The following NCKAP5 variants were observed in gnomAD, a reference collection of about 807,000 sequenced individuals.
The protein encoded by NCKAP5 is NCK associated protein 5.
Under a neutral mutation model 167.0 loss-of-function variants are expected in NCKAP5, and 92 were observed. That is an observed-to-expected ratio of 0.55 (90% CI 0.47 to 0.66). The LOEUF (loss-of-function observed/expected upper bound fraction) is 0.66. Ranked by LOEUF, NCKAP5 falls within the 30% of genes least tolerant of loss-of-function variation. NCKAP5 has a pLI of 0.00. For synonymous variants in NCKAP5, 891 were observed against 877.4 expected, an observed-to-expected ratio of 1.02 and a Z score of -0.27; for missense variants, 2,378 against 2,315.0, an observed-to-expected ratio of 1.03 and a Z score of -0.56.
At chr2:133,257,734 T>A (rs1447786157) in intron 4 of NCKAP5, among the ~76,000 whole-genome samples, 1 of 152,178 alleles carries the variant, frequency 6.6e-6, no homozygotes, top group African/African-American at 2.4e-5. Flanking sequence ...TAGAGGCCGG[T>A]TCTTGGAGAC....
At chr2:133,190,942 G>A (rs1346856658) in intron 5 of NCKAP5, among the ~76,000 whole-genome samples, 1 of 152,102 alleles carries the variant, frequency 6.6e-6, no homozygotes, top group Non-Finnish European at 1.5e-5. Flanking sequence ...AAACTAAAGA[G>A]CTTCTGCACA....
rs183273234 is a variant in NCKAP5 at position 132,751,735 on chromosome 2, G to A, written c.5129-19684C>T. ...CTGAAGTGAAAGCAGGTCCCTGCAT[G>A]TGTCTCTAGGGTGTTGCTTTCTCAG... On this transcript the variant is annotated intron_variant, in intron 16 of 19. Transcript: ENST00000409261. Among the ~76,000 whole-genome samples the A allele has an allele frequency of 2.9e-3, 442 of 152,318 alleles. 1 individual carries two copies. The highest frequency in any genetic ancestry group is 0.01 in the African/African-American group (426 of 41,576).
chr2:132,816,107 C>T (rs1156705896), intron 11 of NCKAP5, among the ~76,000 whole-genome samples: 1 of 152,096 alleles, frequency 6.6e-6, no homozygotes, highest in Admixed American at 6.5e-5. Flanking sequence ...TACTAGCTCA[C>T]AGGGGCTTAC....
At chr2:133,593,854 GA>G in the NCKAP5 span, among the ~76,000 whole-genome samples, 6 of 152,250 alleles carry the variant, frequency 3.9e-5, no homozygotes, top group Middle Eastern at 3.4e-3. Context: ...GTGCATAGGG[GA>G]TGCAGCCCTC....
At chr2:133,014,084 C>G (rs907037949) in intron 6 of NCKAP5, among the ~76,000 whole-genome samples, 2 of 152,194 alleles carry the variant, frequency 1.3e-5, no homozygotes, top group Non-Finnish European at 2.9e-5. Context: ...AATAGCAGGT[C>G]CATCTCTTCA....
chr2:132,953,937 C>T (rs1462111762), intron 8 of NCKAP5, among the ~76,000 whole-genome samples: 1 of 152,054 alleles, frequency 6.6e-6, no homozygotes, highest in Non-Finnish European at 1.5e-5. Flanking sequence ...AGAGACATGG[C>T]CTTTTCACGG....
intron 5 of NCKAP5, among the ~76,000 whole-genome samples, chr2:133,190,571 G>T (rs2085169275): frequency 6.6e-6 from 1 of 152,054 alleles, no homozygotes; most frequent in African/African-American, 2.4e-5. Context: ...CCAAAACAGA[G>T]ATATAGACCA....
At chr2:133,632,943 TA>T in the NCKAP5 span, among the ~76,000 whole-genome samples, 1 of 152,284 alleles carries the variant, frequency 6.6e-6, no homozygotes, top group South Asian at 2.1e-4. Context: ...ACCTTAAGTT[TA>T]TATAATGCCA....
At chr2:133,300,606 T>G (rs1409992875) in intron 4 of NCKAP5, among the ~76,000 whole-genome samples, 3 of 138,908 alleles carry the variant, frequency 2.2e-5, no homozygotes, top group African/African-American at 8.6e-5. Context: ...TCTCAATTAA[T>G]TAGGTATTGA....
chr2:133,560,356 C>G (rs191462568), intron 1 of NCKAP5, among the ~76,000 whole-genome samples: 38 of 152,302 alleles, frequency 2.5e-4, no homozygotes, highest in African/African-American at 8.2e-4. Context: ...GACACAGGCT[C>G]TGCTTTTGTG....
intron 6 of NCKAP5, among the ~76,000 whole-genome samples, chr2:133,012,258 T>C (rs1354150295): frequency 6.6e-6 from 1 of 152,152 alleles, no homozygotes; most frequent in East Asian, 1.9e-4. Context: ...TTTATTATTT[T>C]ATTTGTTGAG....
At chr2:132,726,593 T>C (rs906268054) in intron 18 of NCKAP5, among the ~76,000 whole-genome samples, 2 of 152,224 alleles carry the variant, frequency 1.3e-5, no homozygotes, top group African/African-American at 4.8e-5. Flanking sequence ...CTAAGCCAGA[T>C]AGTTCCAATA....
chr2:132,959,103 T>G (rs1327891194), intron 8 of NCKAP5, among the ~76,000 whole-genome samples: 1 of 147,716 alleles, frequency 6.8e-6, no homozygotes, highest in Non-Finnish European at 1.5e-5. Flanking sequence ...ATTAATATAT[T>G]TAATATTAAT....
intron 8 of NCKAP5, among the ~76,000 whole-genome samples, chr2:132,907,430 C>A (rs1694083519): frequency 6.6e-6 from 1 of 152,160 alleles, no homozygotes; most frequent in Non-Finnish European, 1.5e-5. Flanking sequence ...TTAAGTTTAG[C>A]CCAGAGGGCT....
intron 19 of NCKAP5, among the ~76,000 whole-genome samples, chr2:132,708,785 A>G (rs1688588754): frequency 6.6e-6 from 1 of 152,164 alleles, no homozygotes; most frequent in South Asian, 2.1e-4. Context: ...TCTTCGTATT[A>G]GTCCATAGAA....
chr2:133,586,504 A>G, the NCKAP5 span, among the ~76,000 whole-genome samples: 1 of 152,174 alleles, frequency 6.6e-6, no homozygotes, highest in Non-Finnish European at 1.5e-5. Context: ...TATCAACTTC[A>G]GGAAAAGAGG....
chr2:133,307,650 G>C (rs1488570927), intron 3 of NCKAP5, among the ~76,000 whole-genome samples: 1 of 152,118 alleles, frequency 6.6e-6, no homozygotes, highest in African/African-American at 2.4e-5. Context: ...CAATTAAGTA[G>C]CTCCTATATA....
At chr2:132,893,116 C>T (rs1044057872) in intron 8 of NCKAP5, among the ~76,000 whole-genome samples, 3 of 151,780 alleles carry the variant, frequency 2.0e-5, no homozygotes, top group Non-Finnish European at 2.9e-5. Flanking sequence ...AATACCATTA[C>T]ACACCAACCC....
chr2:133,352,606 A>T (rs1327577238), intron 3 of NCKAP5, among the ~76,000 whole-genome samples: 1 of 152,176 alleles, frequency 6.6e-6, no homozygotes, highest in Non-Finnish European at 1.5e-5. Context: ...TGACCCTGAC[A>T]TTAGACTTGC....
Sources: allele counts gnomAD v4.1 joint callset (sites outside exome capture counted in the v4.1 genomes callset), GRCh38; gene constraint gnomAD v4.1.1; transcripts MANE v1.5; gene names NCBI Gene and HGNC (gene_info 2026-07-23, HGNC 2026-07-21).